Variants in DMAC2L observed in about 807,000 individuals in gnomAD.
DMAC2L encodes ATP synthase subunit s, mitochondrial.
In DMAC2L, 21 loss-of-function variants were observed where a neutral mutation model predicts 22.5. That is an observed-to-expected ratio of 0.93 (90% CI 0.66 to 1.34). The LOEUF (loss-of-function observed/expected upper bound fraction) is 1.34. Among genes scored for constraint, DMAC2L ranks in the 40% most tolerant of loss-of-function variants. The pLI is 0.00. For missense variants in DMAC2L, 239 were observed against 246.5 expected (o/e 0.97, Z 0.20); for synonymous variants, 86 against 89.5 (o/e 0.96, Z 0.22).
intron 2 of DMAC2L, among the ~76,000 whole-genome samples, chr14:50,316,256 T>G (rs1595187970): frequency 6.6e-6 from 1 of 151,980 alleles, no homozygotes; most frequent in African/African-American, 2.4e-5. Flanking sequence ...GATGGGATTG[T>G]TTTTTTCTGC....
chr14:50,324,096 C>A lies in DMAC2L; in HGVS notation c.468C>A (p.Ile156=). ...GTGGGAATATCACAGACAAAGGCAT[C>A]ATTGCTTTGCGTCATTTAAGGTAGA... The part of the protein sequence containing the change: ...ISCGNITDKG[I]IALRHLRNLK... Residue 156 remains isoleucine (I), a synonymous_variant, in exon 5 of 6, where the codon ATC becomes ATA. Coordinates refer to ENST00000557421, the MANE Select transcript of DMAC2L (RefSeq NM_001382507.1). 6.2e-7 allele frequency: 1 copy of A among 1,611,936 alleles called. No homozygotes were observed. The highest frequency in any genetic ancestry group is 1.1e-5 in the South Asian group (1 of 90,678).
intron 2 of DMAC2L, chr14:50,319,329 C>A (rs774463232): frequency 6.5e-7 from 1 of 1,536,084 alleles, no homozygotes; most frequent in South Asian, 1.2e-5. Flanking sequence ...CAGTTCACAT[C>A]TCTCACTGTT....
chr14:50,315,439 G>A (rs1376940030), intron 2 of DMAC2L, among the ~76,000 whole-genome samples: 7 of 151,032 alleles, frequency 4.6e-5, no homozygotes, highest in Non-Finnish European at 1.0e-4. Context: ...CAAGGCAGGT[G>A]GATCACGAGG....
At chr14:50,312,670 C>T (rs114310470) in intron 1 of DMAC2L, 1 of 317,106 alleles carries the variant, frequency 3.2e-6, no homozygotes, top group African/African-American at 2.2e-5. Flanking sequence ...CCTCGCTCGG[C>T]CCCGCACGCG....
chr14:50,311,574 A>C, upstream of DMAC2L: 3 of 431,936 alleles, frequency 6.9e-6, no homozygotes, highest in Middle Eastern at 3.7e-4. Context: ...CCAGGAACTG[A>C]TTTAAGACTG....
upstream of DMAC2L, chr14:50,311,900 A>C: frequency 6.9e-7 from 1 of 1,446,956 alleles, no homozygotes; most frequent in Non-Finnish European, 9.3e-7. Context: ...CAGGACCCCA[A>C]CCTGCTCTCA....
intron 2 of DMAC2L, among the ~76,000 whole-genome samples, chr14:50,315,710 A>G (rs999833174): frequency 1.3e-5 from 2 of 148,604 alleles, no homozygotes; most frequent in Non-Finnish European, 1.5e-5. Context: ...TTCCAATCCT[A>G]TTCAGGTTGC....
Position 50,323,930 on chromosome 14 carries a change from A to G in DMAC2L, c.317-15A>G. On this transcript the variant is annotated splice_polypyrimidine_tract_variant and intron_variant, in intron 4 of 5. Transcript: ENST00000557421. ...GTGGTAAAGCAGATTCTTAATCTGTACTTTTTCTCCCCAGAGGGCCTAGAG... is the reference window on the plus strand; with the variant it reads ...GTGGTAAAGCAGATTCTTAATCTGTGCTTTTTCTCCCCAGAGGGCCTAGAG... 6.3e-7 allele frequency: 1 copy of G among 1,590,036 alleles called. No individual in the cohort carries two copies. Among genetic ancestry groups the G allele is most frequent in the Admixed American group, 1.8e-5 (1 of 55,692 alleles).
chr14:50,319,194 CAGAG>C, intron 2 of DMAC2L: 1 of 1,535,762 alleles, frequency 6.5e-7, no homozygotes, highest in Non-Finnish European at 8.7e-7. Flanking sequence ...TGGGCACAGG[CAGAG>C]AGCGCTTTAA....
chr14:50,319,567 T>A (rs563797197), intron 2 of DMAC2L, among the ~76,000 whole-genome samples: 1 of 152,320 alleles, frequency 6.6e-6, no homozygotes, highest in South Asian at 2.1e-4. Context: ...CCACCTTGTT[T>A]CAGAAAGGAT....
intron 5 of DMAC2L, 108 bp from the exon 6 acceptor site, chr14:50,325,501 G>T: frequency 7.5e-7 from 1 of 1,331,304 alleles, no homozygotes. Context: ...GAAGGCATAG[G>T]GTGATATAGA....
At chr14:50,318,679 T>G (rs1033635620) in intron 2 of DMAC2L, among the ~76,000 whole-genome samples, 1 of 152,184 alleles carries the variant, frequency 6.6e-6, no homozygotes, top group Non-Finnish European at 1.5e-5. Context: ...TCGTTCTAAC[T>G]GGAATTTTTT....
chr14:50,322,172 G>T (rs2032327567), intron 3 of DMAC2L, among the ~76,000 whole-genome samples: 1 of 152,188 alleles, frequency 6.6e-6, no homozygotes. Flanking sequence ...TTCTAACCAA[G>T]TATAGTCATT....
rs1376497594 is a variant in DMAC2L at position 50,324,073 on chromosome 14, G to T, written c.445G>T (p.Gly149Trp). 1 of 1,613,734 alleles carries T rather than the reference G, an allele frequency of 6.2e-7. No individual in the cohort carries two copies. Among genetic ancestry groups the T allele is most frequent in the Admixed American group, 1.7e-5 (1 of 59,962 alleles). Residue 149 changes from glycine to tryptophan, a missense_variant, in exon 5 of 6, where the codon GGG becomes TGG. Gly to Trp is a radical substitution (Grantham distance 184, BLOSUM62 -2). Coordinates refer to ENST00000557421, the MANE Select transcript of DMAC2L (RefSeq NM_001382507.1). Reference protein sequence around the residue: ...TILEMEIISCGNITDKGIIAL... With the variant: ...TILEMEIISCWNITDKGIIAL... ...ATTGGAAATGGAAATAATATCCTGT[G>T]GGAATATCACAGACAAAGGCATCAT... is the stretch of plus-strand genomic sequence containing the variant.
intron 2 of DMAC2L, among the ~76,000 whole-genome samples, chr14:50,316,803 G>A (rs11629450): frequency 0.57 from 86,939 of 152,022 alleles, 24,850 homozygotes; most frequent in Middle Eastern, 0.63. Flanking sequence ...ATGGCCTTAT[G>A]GTATAGTTTG....
At chr14:50,312,511 C>T (rs12892575) in intron 1 of DMAC2L, 122 bp downstream of exon 1, 203,574 of 361,836 alleles carry the variant, frequency 0.56, 57,980 homozygotes, top group East Asian at 0.6. Flanking sequence ...CGTCTTCGAC[C>T]TTCACCGCCA....
At position 50,312,395 on chromosome 14, in the gene DMAC2L, T is replaced by C. The variant is rs988646066; in HGVS notation, c.-42+6T>C. On this transcript the variant is annotated splice_donor_region_variant and intron_variant, in intron 1 of 5. Coordinates refer to ENST00000557421, the MANE Select transcript of DMAC2L (RefSeq NM_001382507.1). ...CCCTCCCTCCCTCCGACGCTGTGAG[T>C]AGAGAAGCTAGGCCCCGAGCCGGGC... 3.6e-6 allele frequency: 2 copies of C among 555,796 alleles called. No individual in the cohort carries two copies. The highest frequency in any genetic ancestry group is 3.2e-5 in the Admixed American group (1 of 31,490). The allele number at this position is 555,796 out of a possible 1,614,324, so 34.4% of individuals were successfully genotyped here. A position where few individuals can be genotyped will look rare whatever the true frequency, so the allele number is the denominator to read the frequency against.
chr14:50,322,026 A>G lies in DMAC2L; in HGVS notation c.107+432A>G, dbSNP rs543835251. ...TTTTGAAACTTGAAACTAACCTTCTAATTACTTAATACAGCATTATGATCA... is the reference window on the plus strand; with the variant it reads ...TTTTGAAACTTGAAACTAACCTTCTGATTACTTAATACAGCATTATGATCA... On this transcript the variant is annotated intron_variant, in intron 3 of 5. Transcript: ENST00000557421. Among the ~76,000 whole-genome samples, 11 of 152,322 alleles carry G rather than the reference A, an allele frequency of 7.2e-5. No homozygotes were observed. The South Asian group carries it at 2.3e-3, about 32-fold the overall frequency.
At chr14:50,321,291 A>G in intron 2 of DMAC2L, 192 bp from the exon 3 acceptor site, 9 of 1,144,270 alleles carry the variant, frequency 7.9e-6, no homozygotes, top group Non-Finnish European at 1.0e-5. Context: ...CATCCAGTCC[A>G]ACCCCTCATT....
Sources: gnomAD v4.1 joint callset for allele counts (sites outside exome capture counted in the v4.1 genomes callset) on GRCh38, gnomAD v4.1.1 for gene constraint, MANE v1.5 for transcripts, NCBI Gene and HGNC (gene_info 2026-07-23, HGNC 2026-07-21) for gene names.